The following ANKRD24 variants were observed in gnomAD, a reference collection of about 807,000 sequenced individuals.
ANKRD24 encodes ankyrin repeat domain-containing protein 24.
Under a neutral mutation model 127.8 loss-of-function variants are expected in ANKRD24, and 109 were observed. The ratio of observed to expected loss-of-function variants is 0.85; its 90% CI spans 0.73 to 1.00. ANKRD24 has a LOEUF of 1.00. ANKRD24 is among the 50% of genes least tolerant of loss of function. ANKRD24 has a pLI of 0.00. For missense variants in ANKRD24, 1,648 were observed against 1,570.2 expected, an observed-to-expected ratio of 1.05 and a Z score of -0.84; for synonymous variants, 743 against 671.1, an observed-to-expected ratio of 1.11 and a Z score of -1.66.
rs1274814656 is a variant in ANKRD24 at position 4,224,679 on chromosome 19, C to T, written c.*174C>T. 1 of 653,164 alleles carries T rather than the reference C, an allele frequency of 1.5e-6. No homozygotes were observed. The highest frequency in any genetic ancestry group is 2.4e-5 in the Admixed American group (1 of 42,336). 40.5% of individuals were successfully genotyped at this position (653,164 alleles called of 1,614,324 possible). A position where few individuals can be genotyped will look rare whatever the true frequency, so the allele number is the denominator to read the frequency against. ...CCCCCAGCTGGCTCCATCACCCCAC[C>T]TGGTCTCTGCACGCACACACTGGTC... On this transcript the variant is annotated 3_prime_UTR_variant, in exon 22 of 22. Coordinates refer to ENST00000318934, the MANE Select transcript of ANKRD24 (RefSeq NM_001393985.1).
chr19:4,219,631 C>T lies in ANKRD24; in HGVS notation c.3044C>T (p.Ala1015Val). 1 of 1,613,626 alleles carries T rather than the reference C, an allele frequency of 6.2e-7. No homozygotes were observed. Among genetic ancestry groups the T allele is most frequent in the Non-Finnish European group, 8.5e-7 (1 of 1,179,646 alleles). Residue 1015 changes from alanine (A) to valine (V), a missense_variant, in exon 19 of 22, where the codon GCA becomes GTA. By Grantham distance (64) the Ala-to-Val change is moderately conservative (BLOSUM62 0). Coordinates refer to ENST00000318934, the MANE Select transcript of ANKRD24 (RefSeq NM_001393985.1). The part of the protein sequence containing the change: ...EALFMKSERH[A>V]AEAQLATAEQ... ...CTGTTCATGAAGAGTGAGCGACACG[C>T]AGCCGAGGCACAGCTGGCCACAGCA... is the stretch of plus-strand genomic sequence containing the variant.
At chr19:4,210,740 TCCCATGCCC>T (rs1969679448) in intron 13 of ANKRD24, among the ~76,000 whole-genome samples, 1 of 150,794 alleles carries the variant, frequency 6.6e-6, no homozygotes, top group Non-Finnish European at 1.5e-5. Flanking sequence ...CATGCCCACT[TCCCATGCCC>T]ACTTTCTTCA....
chr19:4,224,780 G>A lies in ANKRD24; in HGVS notation c.*275G>A, dbSNP rs1026535676. The A allele has an allele frequency of 7.9e-6, 4 of 503,966 alleles. No homozygotes were observed. Among genetic ancestry groups the A allele is most frequent in the South Asian group, 4.9e-5 (2 of 40,738 alleles). 31.2% of individuals were successfully genotyped at this position (503,966 alleles called of 1,614,324 possible). On this transcript the variant is annotated 3_prime_UTR_variant, in exon 22 of 22. Coordinates refer to ENST00000318934, the MANE Select transcript of ANKRD24 (RefSeq NM_001393985.1). ...TTCCCTGTGTCCTCCACATCCAGAC[G>A]CCAGCCCAGGAATAAAGGCATTCTG...
intron 2 of ANKRD24, among the ~76,000 whole-genome samples, chr19:4,191,767 C>T (rs1156734189): frequency 6.7e-6 from 1 of 149,624 alleles, no homozygotes; most frequent in African/African-American, 2.5e-5. Flanking sequence ...CAGACGTGAA[C>T]CACCGTCCCC....
chr19:4,198,330 G>C lies in ANKRD24; in HGVS notation c.37-1353G>C. On this transcript the variant is annotated intron_variant, in intron 2 of 21. Transcript: ENST00000318934. The surrounding 1 kb of genome is among the most constrained non-coding windows in gnomAD (Gnocchi z 6.1). Reference sequence around the variant, plus strand: ...GGCTGGCGAGGAGGGCAAGGGGGAGGGGGCGGCACCAGGGAGGGCGGGACC... The same window carrying C: ...GGCTGGCGAGGAGGGCAAGGGGGAGCGGGCGGCACCAGGGAGGGCGGGACC... The C allele has an allele frequency of 2.4e-6, 1 of 409,254 alleles. No individual in the cohort carries two copies. Among genetic ancestry groups the C allele is most frequent in the Non-Finnish European group, 4.3e-6 (1 of 232,512 alleles). The allele number at this position is 409,254 out of a possible 1,614,324, so 25.4% of individuals were successfully genotyped here.
chr19:4,198,090 C>A lies in ANKRD24; in HGVS notation c.37-1593C>A, dbSNP rs1335464089. On this transcript the variant is annotated intron_variant, in intron 2 of 21. Coordinates refer to ENST00000318934, the MANE Select transcript of ANKRD24 (RefSeq NM_001393985.1). This position sits in a 1 kb window ranked among gnomAD's most constrained non-coding sequence, Gnocchi z 6.1. ...GCGGGCCCGGAGGCACCTGCGCGCC[C>A]TTGGCCGACTCGGAGGAGGTGGAGA... The A allele has an allele frequency of 2.2e-6, 1 of 459,200 alleles. No individual in the cohort carries two copies. The allele number at this position is 459,200 out of a possible 1,614,324, so 28.4% of individuals were successfully genotyped here.
intron 5 of ANKRD24, among the ~76,000 whole-genome samples, chr19:4,201,141 G>A (rs1274468772): frequency 9.9e-5 from 15 of 152,118 alleles, no homozygotes; most frequent in Admixed American, 8.5e-4. Flanking sequence ...GTTACGAGGA[G>A]AACTTGTATG....
chr19:4,196,862 G>A (rs1568318938), intron 2 of ANKRD24, among the ~76,000 whole-genome samples: 1 of 152,152 alleles, frequency 6.6e-6, no homozygotes, highest in South Asian at 2.1e-4. Flanking sequence ...CAGGCACTGG[G>A]GACGCTACAG....
intron 15 of ANKRD24, among the ~76,000 whole-genome samples, chr19:4,214,556 T>TA (rs1256161110): frequency 6.6e-6 from 1 of 151,836 alleles, no homozygotes; most frequent in Non-Finnish European, 1.5e-5. Context: ...TACACCAGAC[T>TA]AAAACTCAAG....
rs1968979369 is a variant in ANKRD24 at position 4,199,763 on chromosome 19, G to C, written c.117G>C (p.Arg39Ser). The stretch of plus-strand genomic sequence containing the variant: ...TCCCGAAGCCGGCAGCCAGAGGCAG[G>C]CGCCAGGCAAGTGCCCAGGGGCAGG... ...CPIPKPAARGRRQSQDWGKSD... is the reference protein window; with the variant it reads ...CPIPKPAARGSRQSQDWGKSD... The change falls in exon 3 of 22, where the codon AGG (arginine) becomes AGC (serine). Residue 39 changes from arginine (R) to serine (S), a missense_variant. Arg to Ser is a moderately radical substitution (Grantham distance 110, BLOSUM62 -1). Coordinates refer to ENST00000318934, the MANE Select transcript of ANKRD24 (RefSeq NM_001393985.1). This position sits in a 1 kb window ranked among gnomAD's most constrained non-coding sequence, Gnocchi z 5.2. 1 of 1,537,042 alleles carries C rather than the reference G, an allele frequency of 6.5e-7. No homozygotes were observed. The highest frequency in any genetic ancestry group is 1.4e-5 in the African/African-American group (1 of 72,934).
intron 15 of ANKRD24, among the ~76,000 whole-genome samples, chr19:4,214,221 C>T (rs892049228): frequency 2.0e-4 from 31 of 151,708 alleles, no homozygotes; most frequent in Admixed American, 1.7e-3. Flanking sequence ...GGCTGGAGTG[C>T]GGTGGCACGA....
chr19:4,203,857 G>A (rs537644095), intron 7 of ANKRD24, among the ~76,000 whole-genome samples: 24 of 149,412 alleles, frequency 1.6e-4, no homozygotes, highest in African/African-American at 5.7e-4. Context: ...CACCATGTTG[G>A]CCAGGCTCAT....
At chr19:4,211,853 A>G (rs1009607773) in intron 13 of ANKRD24, among the ~76,000 whole-genome samples, 2 of 152,160 alleles carry the variant, frequency 1.3e-5, no homozygotes, top group African/African-American at 2.4e-5. Flanking sequence ...TAGGTGCTCA[A>G]TAAATACTGA....
At chr19:4,197,761 G>A (rs1016240119) in intron 2 of ANKRD24, among the ~76,000 whole-genome samples, 9 of 152,058 alleles carry the variant, frequency 5.9e-5, no homozygotes, top group African/African-American at 2.2e-4. Context: ...GAATGAACGA[G>A]TGAATGAACG....
At chr19:4,193,845 G>GAGGGAGGGCGGGAGGGAAGGA (rs573649233) in intron 2 of ANKRD24, among the ~76,000 whole-genome samples, 1 of 40,590 alleles carries the variant, frequency 2.5e-5, no homozygotes, top group African/African-American at 1.3e-4. Flanking sequence ...GGGAGGGAGG[G>GAGGGAGGGCGGGAGGGAAGGA]AGGAAGGAAG....
chr19:4,209,615 A>G (rs1390355877), intron 11 of ANKRD24, among the ~76,000 whole-genome samples: 1 of 151,202 alleles, frequency 6.6e-6, no homozygotes, highest in Non-Finnish European at 1.5e-5. Context: ...ATGCCCAGCT[A>G]ATTTTTTGTA....
intron 7 of ANKRD24, 68 bp from the exon 8 acceptor site, chr19:4,207,174 T>G (rs545184221): frequency 6.3e-6 from 9 of 1,433,870 alleles, no homozygotes; most frequent in African/African-American, 1.4e-5. Context: ...ACCTCCTGCC[T>G]TGGCCTCCCA....
chr19:4,200,586 C>A (rs1013470008), intron 5 of ANKRD24, among the ~76,000 whole-genome samples: 4 of 152,070 alleles, frequency 2.6e-5, no homozygotes, highest in African/African-American at 9.7e-5. Flanking sequence ...TGGCCATGAT[C>A]TCAGCTCACT....
chr19:4,220,987 C>T (rs958723673), intron 19 of ANKRD24, among the ~76,000 whole-genome samples: 1 of 151,780 alleles, frequency 6.6e-6, no homozygotes, highest in Non-Finnish European at 1.5e-5. Context: ...GCTTCGACCT[C>T]CTGGGTTCAA....
Sources: allele counts gnomAD v4.1 joint callset (sites outside exome capture counted in the v4.1 genomes callset), GRCh38; gene constraint gnomAD v4.1.1; non-coding constraint Gnocchi (gnomAD v3.1); transcripts MANE v1.5; gene names NCBI Gene and HGNC (gene_info 2026-07-23, HGNC 2026-07-21).